LRP8: variants seen among roughly 807,000 people sequenced by gnomAD.
The protein encoded by LRP8 is LDL receptor related protein 8.
LRP8 carries 46 observed loss-of-function variants against 111.6 expected under a neutral mutation model. That is an observed-to-expected ratio of 0.41 (90% CI 0.33 to 0.53). The LOEUF is 0.53. Among genes scored for constraint, LRP8 ranks in the 20% least tolerant of loss-of-function variants. The pLI, the probability that LRP8 is intolerant of heterozygous loss-of-function variation, is 0.20. For missense variants in LRP8, 959 were observed against 1,297.4 expected, an observed-to-expected ratio of 0.74 and a Z score of 4.01; for synonymous variants, 464 against 511.2, an observed-to-expected ratio of 0.91 and a Z score of 1.24.
chr1:53,305,211 A>G (rs1651713302), intron 2 of LRP8: 1 of 152,250 alleles, frequency 6.6e-6, no homozygotes, highest in South Asian at 2.1e-4. Flanking sequence ...TTACTAGCTA[A>G]GCGACCTCAG....
Position 53,262,417 on chromosome 1 carries a change from GC to G in LRP8, c.1774+28del. 1 of 1,599,972 alleles carries G rather than the reference GC, an allele frequency of 6.3e-7. No homozygotes were observed. On this transcript the variant is annotated intron_variant, in intron 11 of 18. Transcript: ENST00000306052. This position sits in a 1 kb window ranked among gnomAD's most constrained non-coding sequence, Gnocchi z 4.8. ...TGATCAGGACAAGGCACTAGAATAGGCCCCCAACCCAGGAAAGGCAGGGCTC... is the reference window on the plus strand; with the variant it reads ...TGATCAGGACAAGGCACTAGAATAGGCCCCAACCCAGGAAAGGCAGGGCTC...
chr1:53,310,739 T>C (rs1434402595), intron 2 of LRP8, among the ~76,000 whole-genome samples: 1 of 152,080 alleles, frequency 6.6e-6, no homozygotes, highest in Non-Finnish European at 1.5e-5. Flanking sequence ...TGGAACCAAT[T>C]GTTGTATAAA....
intron 2 of LRP8, among the ~76,000 whole-genome samples, chr1:53,321,607 G>A (rs575269916): frequency 6.6e-6 from 1 of 152,246 alleles, no homozygotes; most frequent in Middle Eastern, 3.4e-3. Flanking sequence ...TTTCCCCAAG[G>A]AGGAAAGTTG....
intron 4 of LRP8, among the ~76,000 whole-genome samples, chr1:53,280,054 C>T (rs1033884251): frequency 6.6e-6 from 1 of 152,246 alleles, no homozygotes; most frequent in African/African-American, 2.4e-5. Flanking sequence ...AATGTCTTCT[C>T]TGCCCTGTGA....
chr1:53,284,459 A>T (rs1469551890), intron 3 of LRP8, among the ~76,000 whole-genome samples: 1 of 152,076 alleles, frequency 6.6e-6, no homozygotes, highest in Non-Finnish European at 1.5e-5. Context: ...CTATGACTAG[A>T]GCCTTGCCCT....
At chr1:53,282,794 A>G (rs1051972543) in intron 3 of LRP8, among the ~76,000 whole-genome samples, 2 of 152,200 alleles carry the variant, frequency 1.3e-5, no homozygotes, top group Non-Finnish European at 2.9e-5. Flanking sequence ...CTGCAAGCAT[A>G]GAAGACAAGG....
At position 53,309,348 on chromosome 1, in the gene LRP8, C is replaced by T. The variant is rs181545651; in HGVS notation, c.244+17525G>A. 1.5e-3 allele frequency among the ~76,000 whole-genome samples: 225 copies of T among 152,302 alleles called. 1 individual carries two copies. The highest frequency in any genetic ancestry group is 5.1e-3 in the African/African-American group (213 of 41,564). ...CCACCCCACTCCCCATAAGCATAAG[C>T]GTCATTGATGATAGTGCGTGGGGCT... On this transcript the variant is annotated intron_variant, in intron 2 of 18. Coordinates refer to ENST00000306052, the MANE Select transcript of LRP8 (RefSeq NM_004631.5).
rs1226341657 is a variant in LRP8 at position 53,249,528 on chromosome 1, C to T, written c.2705G>A (p.Trp902Ter). 4 of 1,610,334 alleles carry T rather than the reference C, an allele frequency of 2.5e-6. No individual in the cohort carries two copies. Among genetic ancestry groups the T allele is most frequent in the African/African-American group, 1.3e-5 (1 of 74,770 alleles). Residue 902 changes from tryptophan (W) to a stop codon, truncating the protein, a stop_gained, in exon 18 of 19, where the codon TGG becomes TAG. Coordinates refer to ENST00000306052, the MANE Select transcript of LRP8 (RefSeq NM_004631.5). LOFTEE classifies it high-confidence loss of function. This position sits in a 1 kb window ranked among gnomAD's most constrained non-coding sequence, Gnocchi z 4.1. ...AAISSFDRPL[W>*]AEPCLGETRE... ...GGTCTCCCCAAGACAGGGCTCTGCCCACAGTGGGCGATCAAAGCTGCTGAT... is the reference window on the plus strand; with the variant it reads ...GGTCTCCCCAAGACAGGGCTCTGCCTACAGTGGGCGATCAAAGCTGCTGAT...
intron 16 of LRP8, among the ~76,000 whole-genome samples, chr1:53,252,787 A>C (rs551562805): frequency 6.6e-6 from 1 of 152,356 alleles, no homozygotes; most frequent in Non-Finnish European, 1.5e-5. Context: ...ATCTTGATAA[A>C]AACTTCACCA....
chr1:53,267,190 GCACAGTGGCTCA>G (rs1572484284), intron 8 of LRP8: 1 of 154,402 alleles, frequency 6.5e-6, no homozygotes, highest in East Asian at 1.9e-4. Context: ...TAGGGGCCAG[GCACAGTGGCTCA>G]CACCTGTAAT....
chr1:53,295,439 C>G (rs1267398867), intron 2 of LRP8, among the ~76,000 whole-genome samples: 2 of 152,178 alleles, frequency 1.3e-5, no homozygotes, highest in Non-Finnish European at 2.9e-5. Flanking sequence ...AGGCCCAGCA[C>G]AGGGGCCTGG....
intron 8 of LRP8, among the ~76,000 whole-genome samples, chr1:53,270,527 G>A (rs941379344): frequency 1.3e-5 from 2 of 152,234 alleles, no homozygotes; most frequent in Non-Finnish European, 2.9e-5. Flanking sequence ...ATAGTAAGGG[G>A]AGGTCCCACA....
intron 2 of LRP8, among the ~76,000 whole-genome samples, chr1:53,300,749 G>A (rs925143475): frequency 2.6e-5 from 4 of 152,224 alleles, no homozygotes; most frequent in African/African-American, 9.6e-5. Context: ...CCCTCGGTGT[G>A]AGAAAGCCCT....
rs1645848551 is a variant in LRP8, at chr1:53,250,141, A to G, written c.2676+549T>C. Among the ~76,000 whole-genome samples, 1 of 152,068 alleles carries G rather than the reference A, an allele frequency of 6.6e-6. No homozygotes were observed. The highest frequency in any genetic ancestry group is 1.9e-4 in the East Asian group (1 of 5,196). ...ATACCACTGTATGTTAGTATCTCTA[A>G]CTCCCTACCAGCTTCTTGGGAGCAA... On this transcript the variant is annotated intron_variant, in intron 17 of 18. Coordinates refer to ENST00000306052, the MANE Select transcript of LRP8 (RefSeq NM_004631.5). The surrounding 1 kb of genome is among the most constrained non-coding windows in gnomAD (Gnocchi z 4.6).
rs1181554318 is a variant in LRP8, at chr1:53,244,735, T to A, written c.*2283A>T. Reference sequence around the variant, plus strand: ...TTACTGAAAGTTTAGAAACTATGCCTTAGCCACTGTTATCATTTAATTCCT... The same window carrying A: ...TTACTGAAAGTTTAGAAACTATGCCATAGCCACTGTTATCATTTAATTCCT... On this transcript the variant is annotated 3_prime_UTR_variant, in exon 19 of 19. Transcript: ENST00000306052. The A allele has an allele frequency of 6.6e-6, 1 of 152,242 alleles. No homozygotes were observed. The highest frequency in any genetic ancestry group is 1.5e-5 in the Non-Finnish European group (1 of 68,034). 9.4% of individuals were successfully genotyped at this position (152,242 alleles called of 1,614,324 possible).
chr1:53,271,208 G>A lies in LRP8; in HGVS notation c.1126+19C>T. 6.2e-7 allele frequency: 1 copy of A among 1,613,960 alleles called. No homozygotes were observed. The highest frequency in any genetic ancestry group is 1.1e-5 in the South Asian group (1 of 91,068). On this transcript the variant is annotated intron_variant, in intron 7 of 18. Transcript: ENST00000306052. ...CAGGAGGATCTGCTTCTGCTTGGGG[G>A]TGTGGGAGAAGGTCTCACCGCCACA...
intron 2 of LRP8, among the ~76,000 whole-genome samples, chr1:53,292,620 C>T (rs892475453): frequency 2.0e-5 from 3 of 152,204 alleles, no homozygotes; most frequent in African/African-American, 7.2e-5. Flanking sequence ...AAAAAAGAAA[C>T]GTATATCCTA....
intron 9 of LRP8, among the ~76,000 whole-genome samples, chr1:53,265,454 A>G (rs973552204): frequency 1.3e-5 from 2 of 152,176 alleles, no homozygotes; most frequent in Non-Finnish European, 2.9e-5. Context: ...ACTGCTTCAC[A>G]CATCAGAGAA....
Position 53,243,596 on chromosome 1 carries a change from A to G in LRP8, c.*3422T>C, listed in dbSNP as rs920723723. 1 of 152,182 alleles carries G rather than the reference A, an allele frequency of 6.6e-6. No individual in the cohort carries two copies. Among genetic ancestry groups the G allele is most frequent in the Non-Finnish European group, 1.5e-5 (1 of 68,046 alleles). The allele number at this position is 152,182 out of a possible 1,614,324, so 9.4% of individuals were successfully genotyped here. On this transcript the variant is annotated 3_prime_UTR_variant, in exon 19 of 19. Transcript: ENST00000306052. Reference sequence around the variant, plus strand: ...TCTATTTTATAAAGTGCTTACATTGAATCTCTTTCCATACAGCCTCATTTC... The same window carrying G: ...TCTATTTTATAAAGTGCTTACATTGGATCTCTTTCCATACAGCCTCATTTC...
Sources: allele counts gnomAD v4.1 joint callset (sites outside exome capture counted in the v4.1 genomes callset), GRCh38; gene constraint gnomAD v4.1.1; non-coding constraint Gnocchi (gnomAD v3.1); transcripts MANE v1.5; gene names NCBI Gene and HGNC (gene_info 2026-07-23, HGNC 2026-07-21).